The following PCDH9 variants were observed in gnomAD, a reference collection of about 807,000 sequenced individuals.
The protein encoded by PCDH9 is protocadherin-9.
PCDH9 carries 24 observed loss-of-function variants against 70.6 expected under a neutral mutation model. That is an observed-to-expected ratio of 0.34 (90% CI 0.25 to 0.48). The LOEUF (loss-of-function observed/expected upper bound fraction) is 0.48, where lower values mean the gene tolerates loss of function less well. Among genes scored for constraint, PCDH9 ranks in the 20% least tolerant of loss-of-function variants. PCDH9 has a pLI of 0.99. For missense variants in PCDH9, 1,281 were observed against 1,503.6 expected (o/e 0.85, Z 2.45); for synonymous variants, 562 against 558.5 (o/e 1.01, Z -0.09).
chr13:66,324,478 T>G (rs1446709880), intron 4 of PCDH9, among the ~76,000 whole-genome samples: 4 of 152,012 alleles, frequency 2.6e-5, no homozygotes, highest in African/African-American at 9.7e-5. Context: ...AGCTTCTAAT[T>G]CCAAAAACAA....
intron 3 of PCDH9, among the ~76,000 whole-genome samples, chr13:66,675,566 T>C (rs1211311227): frequency 6.6e-6 from 1 of 152,110 alleles, no homozygotes; most frequent in Non-Finnish European, 1.5e-5. Context: ...AAATCTTTCA[T>C]TCATGAATTT....
chr13:66,596,481 T>C (rs1200052993), intron 4 of PCDH9, among the ~76,000 whole-genome samples: 1 of 151,342 alleles, frequency 6.6e-6, no homozygotes, highest in Non-Finnish European at 1.5e-5. Flanking sequence ...TACACCCATA[T>C]ATGTGTAAAT....
At chr13:66,849,385 T>C (rs543790351) in intron 3 of PCDH9, among the ~76,000 whole-genome samples, 1 of 151,658 alleles carries the variant, frequency 6.6e-6, no homozygotes, top group Admixed American at 6.6e-5. Flanking sequence ...TGGGATCCCA[T>C]GTGATAAGAC....
intron 4 of PCDH9, among the ~76,000 whole-genome samples, chr13:66,521,019 C>T (rs1055006864): frequency 1.3e-5 from 2 of 152,048 alleles, no homozygotes; most frequent in Admixed American, 6.6e-5. Flanking sequence ...GAATGAAAGA[C>T]TAAATATCAT....
At chr13:67,003,330 T>C (rs1814447572) in intron 2 of PCDH9, among the ~76,000 whole-genome samples, 1 of 152,122 alleles carries the variant, frequency 6.6e-6, no homozygotes, top group Non-Finnish European at 1.5e-5. Flanking sequence ...TATATAAAAA[T>C]ACATTCTGGC....
At chr13:66,770,504 C>A (rs1204777520) in intron 3 of PCDH9, among the ~76,000 whole-genome samples, 1 of 152,176 alleles carries the variant, frequency 6.6e-6, no homozygotes, top group Non-Finnish European at 1.5e-5. Flanking sequence ...TCTCCACCTG[C>A]TTCATGCCTA....
intron 3 of PCDH9, among the ~76,000 whole-genome samples, chr13:66,700,371 T>A (rs2078621983): frequency 6.6e-6 from 1 of 152,216 alleles, no homozygotes; most frequent in Non-Finnish European, 1.5e-5. Flanking sequence ...CTTTCTTTAA[T>A]TTTACAAGGC....
chr13:66,710,802 C>G (rs2078782060), intron 3 of PCDH9, among the ~76,000 whole-genome samples: 1 of 151,958 alleles, frequency 6.6e-6, no homozygotes, highest in Non-Finnish European at 1.5e-5. Flanking sequence ...TTCATTGGCT[C>G]ATGAGTCTTT....
chr13:66,385,416 ATTTT>A (rs1170031802), intron 4 of PCDH9, among the ~76,000 whole-genome samples: 1 of 151,996 alleles, frequency 6.6e-6, no homozygotes, highest in Admixed American at 6.6e-5. Context: ...CCCCTTTGTA[ATTTT>A]TTCTCATGCC....
intron 4 of PCDH9, among the ~76,000 whole-genome samples, chr13:66,459,629 G>A (rs1958384573): frequency 6.6e-6 from 1 of 151,866 alleles, no homozygotes; most frequent in African/African-American, 2.4e-5. Flanking sequence ...AAGAATACTA[G>A]AAAGTCAGTT....
intron 2 of PCDH9, among the ~76,000 whole-genome samples, chr13:67,071,083 T>C (rs1237918225): frequency 1.3e-5 from 2 of 152,120 alleles, no homozygotes; most frequent in African/African-American, 4.8e-5. Context: ...GAGATTTTCT[T>C]CTAAGGAAAA....
At chr13:66,833,011 A>G (rs1320753664) in intron 3 of PCDH9, among the ~76,000 whole-genome samples, 1 of 152,090 alleles carries the variant, frequency 6.6e-6, no homozygotes, top group Non-Finnish European at 1.5e-5. Context: ...ATCAGCTGTC[A>G]ACTCTATTTC....
chr13:66,620,282 G>A (rs1392073389), intron 4 of PCDH9, among the ~76,000 whole-genome samples: 1 of 152,054 alleles, frequency 6.6e-6, no homozygotes, highest in Non-Finnish European at 1.5e-5. Flanking sequence ...CATCTACTGT[G>A]TTTCAGGCCC....
intron 2 of PCDH9, among the ~76,000 whole-genome samples, chr13:66,988,718 C>T (rs1031536607): frequency 3.9e-5 from 6 of 152,056 alleles, no homozygotes; most frequent in Non-Finnish European, 7.4e-5. Context: ...TCAATAGGGA[C>T]AGTCATCTAT....
chr13:67,001,609 AAGAG>A (rs1161151619), intron 2 of PCDH9, among the ~76,000 whole-genome samples: 2 of 151,974 alleles, frequency 1.3e-5, no homozygotes, highest in Non-Finnish European at 2.9e-5. Flanking sequence ...CTGTGACTGA[AAGAG>A]AGAGAGAGGG....
At position 66,633,518 on chromosome 13, in the gene PCDH9, A is replaced by G. The variant is rs189098780; in HGVS notation, c.3139-2107T>C. ...CTCAATCTATCAATATCCTTTTGTG[A>G]TAAAGACTGTACTAGGAACCACAGT... On this transcript the variant is annotated intron_variant, in intron 3 of 4. Coordinates refer to ENST00000377865, the MANE Select transcript of PCDH9 (RefSeq NM_203487.3). 1.8e-3 allele frequency among the ~76,000 whole-genome samples: 278 copies of G among 152,264 alleles called. 1 individual carries two copies. The highest frequency in any genetic ancestry group is 6.3e-3 in the African/African-American group (263 of 41,566).
chr13:67,220,694 A>G (rs879795126), intron 2 of PCDH9: 4 of 152,050 alleles, frequency 2.6e-5, no homozygotes, highest in Non-Finnish European at 5.9e-5. Flanking sequence ...TGGCAACAAA[A>G]ACAAATAATA....
chr13:66,384,961 G>A (rs1317408229), intron 4 of PCDH9, among the ~76,000 whole-genome samples: 2 of 152,234 alleles, frequency 1.3e-5, no homozygotes, highest in East Asian at 3.9e-4. Context: ...GAGCCATGGC[G>A]CCCGGCCCAT....
chr13:66,348,674 C>CCT (rs1189074636), intron 4 of PCDH9, among the ~76,000 whole-genome samples: 1 of 57,890 alleles, frequency 1.7e-5, no homozygotes, highest in Admixed American at 3.7e-4. Flanking sequence ...TGCTATTTGC[C>CCT]ATTTTTTTTT....
Sources: allele counts gnomAD v4.1 joint callset (sites outside exome capture counted in the v4.1 genomes callset), GRCh38; gene constraint gnomAD v4.1.1; transcripts MANE v1.5; gene names NCBI Gene and HGNC (gene_info 2026-07-23, HGNC 2026-07-21).